Variants in MYO1A observed in about 807,000 individuals in gnomAD.
MYO1A encodes the protein unconventional myosin-Ia.
A neutral mutation model predicts 138.5 loss-of-function variants in MYO1A; 127 were observed. The observed-to-expected ratio is 0.92, with a 90% CI of 0.79 to 1.06. MYO1A has a LOEUF of 1.06. Ranked by LOEUF, MYO1A falls within the 50% of genes least tolerant of loss-of-function variation. MYO1A has a pLI of 0.00. For missense variants in MYO1A, 1,211 were observed against 1,288.8 expected (o/e 0.94, Z 0.92); for synonymous variants, 477 against 497.5 (o/e 0.96, Z 0.55).
rs141826192 is a variant in MYO1A at position 57,043,919 on chromosome 12, C to T, written c.829G>A (p.Val277Met). 149 of 1,614,066 alleles carry T rather than the reference C, an allele frequency of 9.2e-5. 1 individual carries two copies. Among genetic ancestry groups the T allele is most frequent in the Admixed American group, 2.2e-4 (13 of 60,004 alleles). Residue 277 changes from valine to methionine, a missense_variant, in exon 10 of 28, where the codon GTG (valine) becomes ATG (methionine). Transcript: ENST00000300119. ...VTSMVLKLGNVLVADEFQASG... is the reference protein window; with the variant it reads ...VTSMVLKLGNMLVADEFQASG... ...GCCTGGAACTCATCAGCCACCAACA[C>T]GTTCCCCAGCTTTAGCACCATGGAT...
At position 57,041,192 on chromosome 12, in the gene MYO1A, T is replaced by A. The variant is rs2030841348; in HGVS notation, c.1261A>T (p.Lys421Ter). ...MTLKEEQEEY[K>*]REGIPWTKVD... is the part of the protein sequence containing the mutation. ...GAAAAGACTTGGTTTACTTCTCTCT[T>A]ATATTCCTCTTGCTCTTCTTTCAGG... Residue 421 changes from lysine (K) to a stop codon, truncating the protein, a stop_gained, in exon 14 of 28, where the codon AAG (lysine) becomes TAG (stop). Coordinates refer to ENST00000300119, the MANE Select transcript of MYO1A (RefSeq NM_005379.4). LOFTEE classifies it high-confidence loss of function. The A allele has an allele frequency of 1.2e-6, 2 of 1,612,374 alleles. No homozygotes were observed. The highest frequency in any genetic ancestry group is 1.7e-6 in the Non-Finnish European group (2 of 1,179,502).
chr12:57,038,489 C>T lies in MYO1A; in HGVS notation c.1683G>A (p.Pro561=), dbSNP rs201712790. 41 of 1,614,170 alleles carry T rather than the reference C, an allele frequency of 2.5e-5. No individual in the cohort carries two copies. Among genetic ancestry groups the T allele is most frequent in the Admixed American group, 1.5e-4 (9 of 60,028 alleles). ...NPKQASLKRP[P]TAGAQFKSSV... Reference sequence around the variant, plus strand: ...AACTCTTGAACTGGGCCCCAGCAGTCGGGGGGCGTTTGAGAGATGCCTGCT... The same window carrying T: ...AACTCTTGAACTGGGCCCCAGCAGTTGGGGGGCGTTTGAGAGATGCCTGCT... Residue 561 remains proline (P), a synonymous_variant, in exon 17 of 28, where the codon CCG becomes CCA. Coordinates refer to ENST00000300119, the MANE Select transcript of MYO1A (RefSeq NM_005379.4).
Position 57,038,544 on chromosome 12 carries a change from A to G in MYO1A, c.1628T>C (p.Leu543Pro). 1 of 1,614,180 alleles carries G rather than the reference A, an allele frequency of 6.2e-7. No homozygotes were observed. Among genetic ancestry groups the G allele is most frequent in the Non-Finnish European group, 8.5e-7 (1 of 1,180,036 alleles). Residue 543 changes from leucine (L) to proline (P), a missense_variant, in exon 17 of 28, where the codon CTT becomes CCT. Transcript: ENST00000300119. ...QAMWKAQHPL[L>P]RSLFPEGNPK... is the part of the protein sequence containing the mutation. ...ATTGCCCTCAGGAAACAAGGACCGA[A>G]GGAGGGGGTGCTGGGCCTTCCACAT...
At position 57,047,124 on chromosome 12, in the gene MYO1A, G is replaced by A. The variant is rs1218330900; in HGVS notation, c.431-17C>T. The A allele has an allele frequency of 1.9e-6, 3 of 1,613,896 alleles. No individual in the cohort carries two copies. Among genetic ancestry groups the A allele is most frequent in the African/African-American group, 1.3e-5 (1 of 75,040 alleles). Reference sequence around the variant, plus strand: ...TGCCAAAAGCTACAGAGATGAGGAGGGGAGAAGTGAAACTCTAGAGAAGGG... The same window carrying A: ...TGCCAAAAGCTACAGAGATGAGGAGAGGAGAAGTGAAACTCTAGAGAAGGG... On this transcript the variant is annotated splice_polypyrimidine_tract_variant and intron_variant, in intron 5 of 27. Transcript: ENST00000300119.
chr12:57,046,619 C>T lies in MYO1A; in HGVS notation c.573G>A (p.Gln191=). The part of the protein sequence containing the change: ...YLLEKSRLVK[Q]LKGERNFHIF... ...TGTGGAAGTTCCTTTCTCCTTTGAGCTGCTTCACTAATCGGGATTTCTCAA... is the reference window on the plus strand; with the variant it reads ...TGTGGAAGTTCCTTTCTCCTTTGAGTTGCTTCACTAATCGGGATTTCTCAA... Residue 191 remains glutamine (Q), a synonymous_variant, in exon 8 of 28, where the codon CAG becomes CAA. Transcript: ENST00000300119. 1 of 1,614,104 alleles carries T rather than the reference C, an allele frequency of 6.2e-7. No individual in the cohort carries two copies. Among genetic ancestry groups the T allele is most frequent in the Non-Finnish European group, 8.5e-7 (1 of 1,180,004 alleles).
At chr12:57,044,595 G>A (rs1401597597) in intron 8 of MYO1A, among the ~76,000 whole-genome samples, 1 of 152,078 alleles carries the variant, frequency 6.6e-6, no homozygotes, top group African/African-American at 2.4e-5. Flanking sequence ...CTCTATGTTG[G>A]CCAGGCTGGT....
chr12:57,047,314 G>A lies in MYO1A; in HGVS notation c.419C>T (p.Pro140Leu), dbSNP rs755781649. ...SVKEQLLQSN[P>L]VLEAFGNAKT... Reference sequence around the variant, plus strand: ...AGCAGAATTCTCACCCTCCAGCACTGGGTTAGACTGTAGCAGCTGCTCCTT... The same window carrying A: ...AGCAGAATTCTCACCCTCCAGCACTAGGTTAGACTGTAGCAGCTGCTCCTT... The change falls in exon 5 of 28, where the codon CCA becomes CTA. Residue 140 changes from proline to leucine, a missense_variant. Physicochemically the swap from Pro to Leu is moderately conservative, Grantham distance 98. Transcript: ENST00000300119. The A allele has an allele frequency of 3.1e-6, 5 of 1,614,006 alleles. No homozygotes were observed. The South Asian group carries it at 5.5e-5, about 18-fold the overall frequency.
At chr12:57,048,416 G>T (rs1189797538) in intron 1 of MYO1A, 73 bp from the exon 2 acceptor site, 1 of 897,700 alleles carries the variant, frequency 1.1e-6, no homozygotes, top group Non-Finnish European at 1.8e-6. Flanking sequence ...GGGGAGGATG[G>T]CAGAAGGACC....
chr12:57,039,971 G>A (rs1441604595), intron 14 of MYO1A, among the ~76,000 whole-genome samples: 1 of 152,214 alleles, frequency 6.6e-6, no homozygotes, highest in African/African-American at 2.4e-5. Flanking sequence ...TACAAAAGCA[G>A]AAGACCCAAA....
intron 27 of MYO1A, 64 bp from the exon 28 acceptor site, chr12:57,028,945 T>C: frequency 6.2e-7 from 1 of 1,601,786 alleles, no homozygotes; most frequent in Non-Finnish European, 8.5e-7. Flanking sequence ...CGCATTTCCA[T>C]GATGGCCCCC....
At chr12:57,043,829 G>A (rs775579550) in intron 10 of MYO1A, 27 bp downstream of exon 10, 1 of 1,613,940 alleles carries the variant, frequency 6.2e-7, no homozygotes, top group Non-Finnish European at 8.5e-7. Flanking sequence ...GGTCTGGGTA[G>A]GAGCTCCAGC....
intron 18 of MYO1A, 37 bp from the exon 19 acceptor site, chr12:57,037,678 T>C: frequency 6.3e-7 from 1 of 1,594,072 alleles, no homozygotes; most frequent in Non-Finnish European, 8.6e-7. Context: ...CAGAGGGGTA[T>C]CTCAGGAGAA....
chr12:57,029,135 T>A lies in MYO1A; in HGVS notation c.3002A>T (p.Glu1001Val). Residue 1001 changes from glutamate (E) to valine (V), a missense_variant, in exon 27 of 28, where the codon GAG (glutamate) becomes GTG (valine). Coordinates refer to ENST00000300119, the MANE Select transcript of MYO1A (RefSeq NM_005379.4). Reference sequence around the variant, plus strand: ...CACCCCCAGTTCATGGCCTCACTTCTCAGTCACGGTGACTGTAAGCTGCCT... The same window carrying A: ...CACCCCCAGTTCATGGCCTCACTTCACAGTCACGGTGACTGTAAGCTGCCT... ...TQRQLTVTVT[E>V]KFSVRFKENS... 6.2e-7 allele frequency: 1 copy of A among 1,614,058 alleles called. No homozygotes were observed. The highest frequency in any genetic ancestry group is 8.5e-7 in the Non-Finnish European group (1 of 1,180,020).
Position 57,039,017 on chromosome 12 carries a change from G to C in MYO1A, c.1333-8C>G, listed in dbSNP as rs727505302. 3 of 1,611,446 alleles carry C rather than the reference G, an allele frequency of 1.9e-6. No homozygotes were observed. ...CAGGATACCTCGCTGATTCTGGGCC[G>C]GGGGAACAAAAGAAGCCCAACCTAA... On this transcript the variant is annotated splice_region_variant and splice_polypyrimidine_tract_variant and intron_variant, in intron 15 of 27. Transcript: ENST00000300119.
intron 23 of MYO1A, 36 bp downstream of exon 23, chr12:57,031,004 A>G: frequency 1.9e-6 from 3 of 1,609,058 alleles, no homozygotes; most frequent in Non-Finnish European, 2.5e-6. Context: ...GAAAAAAAAG[A>G]CGAAATGAGA....
intron 23 of MYO1A, among the ~76,000 whole-genome samples, 160 bp downstream of exon 23, chr12:57,030,880 T>G (rs1426063399): frequency 6.6e-6 from 1 of 152,140 alleles, no homozygotes; most frequent in East Asian, 1.9e-4. Context: ...GCCACTGAAC[T>G]ATACACTTAA....
chr12:57,031,237 G>C, intron 22 of MYO1A, 63 bp from the exon 23 acceptor site: 1 of 1,597,206 alleles, frequency 6.3e-7, no homozygotes, highest in Non-Finnish European at 8.6e-7. Context: ...CAGGCAAACT[G>C]GCACCCAGAT....
rs2030113044 is a variant in MYO1A, at chr12:57,028,891, G to A, written c.3006-10C>T. The A allele has an allele frequency of 2.5e-6, 4 of 1,613,732 alleles. No homozygotes were observed. Among genetic ancestry groups the A allele is most frequent in the East Asian group, 2.2e-5 (1 of 44,864 alleles). ...GAACCTCACTGAGAACCTGGAGAGG[G>A]AACAGAAAACCAAGTCTAGTGCCCA... On this transcript the variant is annotated splice_polypyrimidine_tract_variant and intron_variant, in intron 27 of 27. Transcript: ENST00000300119.
chr12:57,047,975 G>T lies in MYO1A; in HGVS notation c.230+14C>A. 6.2e-7 allele frequency: 1 copy of T among 1,603,920 alleles called. No homozygotes were observed. The highest frequency in any genetic ancestry group is 8.5e-7 in the Non-Finnish European group (1 of 1,170,816). On this transcript the variant is annotated intron_variant, in intron 3 of 27. Coordinates refer to ENST00000300119, the MANE Select transcript of MYO1A (RefSeq NM_005379.4). ...CTGGGGCCCTGTCAGCCTTCCCTTG[G>T]TCCCCCTACTCACATATGGGGCTTC... is the stretch of plus-strand genomic sequence containing the variant.
Sources: allele counts gnomAD v4.1 joint callset (sites outside exome capture counted in the v4.1 genomes callset), GRCh38; gene constraint gnomAD v4.1.1; transcripts MANE v1.5; gene names NCBI Gene and HGNC (gene_info 2026-07-23, HGNC 2026-07-21).